CENPW: variants seen among roughly 807,000 people sequenced by gnomAD.
The protein encoded by CENPW is centromere protein W.
In CENPW, 3 loss-of-function variants were observed where a neutral mutation model predicts 11.1. The observed-to-expected ratio is 0.27, with a 90% CI of 0.12 to 0.70. The LOEUF (loss-of-function observed/expected upper bound fraction) is 0.70, where lower values mean the gene tolerates loss of function less well. Ranked by LOEUF, CENPW falls within the 30% of genes least tolerant of loss-of-function variation. The pLI is 0.77. For synonymous variants in CENPW, 38 were observed against 42.0 expected, an observed-to-expected ratio of 0.91 and a Z score of 0.37; for missense variants, 100 against 105.6, an observed-to-expected ratio of 0.95 and a Z score of 0.23.
At chr6:126,459,154 C>A in the CENPW span, among the ~76,000 whole-genome samples, 17 of 151,348 alleles carry the variant, frequency 1.1e-4, no homozygotes, top group South Asian at 2.5e-3. Context: ...TTCATTGATC[C>A]AATGCTAATG....
intron 1 of CENPW, among the ~76,000 whole-genome samples, chr6:126,342,713 A>G (rs1780337533): frequency 6.6e-6 from 1 of 151,972 alleles, no homozygotes; most frequent in South Asian, 2.1e-4. Flanking sequence ...ATTGTCACAC[A>G]TTTGCCTTTT....
chr6:126,402,401 A>G, the CENPW span, among the ~76,000 whole-genome samples: 3 of 151,718 alleles, frequency 2.0e-5, no homozygotes, highest in East Asian at 5.8e-4. Context: ...AATTCACATA[A>G]CATCCAATTT....
chr6:126,474,090 T>TAG, the CENPW span, among the ~76,000 whole-genome samples: 2 of 150,162 alleles, frequency 1.3e-5, no homozygotes, highest in Non-Finnish European at 3.0e-5. Flanking sequence ...CATATATATA[T>TAG]AGAGAGAGAT....
chr6:126,459,694 G>A, the CENPW span, among the ~76,000 whole-genome samples: 4 of 151,494 alleles, frequency 2.6e-5, no homozygotes, highest in Admixed American at 6.6e-5. Context: ...ATGTCTTGGT[G>A]TTTTCAAGAA....
At chr6:126,447,165 C>T in the CENPW span, among the ~76,000 whole-genome samples, 3 of 151,130 alleles carry the variant, frequency 2.0e-5, no homozygotes, top group Middle Eastern at 3.2e-3. Context: ...AGAGGCTTAG[C>T]TCCAGAGATT....
the CENPW span, among the ~76,000 whole-genome samples, chr6:126,374,667 T>A: frequency 6.6e-6 from 1 of 152,116 alleles, no homozygotes; most frequent in Non-Finnish European, 1.5e-5. Flanking sequence ...CTTACAGTAG[T>A]TATGGTGTGA....
chr6:126,370,294 A>G, the CENPW span, among the ~76,000 whole-genome samples: 3 of 151,764 alleles, frequency 2.0e-5, no homozygotes, highest in African/African-American at 7.3e-5. Context: ...TTTTTTTTCT[A>G]GTTCTGTGAA....
In CENPW at chr6:126,348,464, A is replaced by G; in HGVS notation, c.241-2A>G. Reference sequence around the variant, plus strand: ...TGAATCTTATTTTTTTCCCTCTTACAGGTAATTCTAAAGAAGAGCAGAGGT... The same window carrying G: ...TGAATCTTATTTTTTTCCCTCTTACGGGTAATTCTAAAGAAGAGCAGAGGT... On this transcript the variant is annotated splice_acceptor_variant, in intron 2 of 2. Transcript: ENST00000368328. LOFTEE classifies it high-confidence loss of function. The G allele has an allele frequency of 7.3e-7, 1 of 1,365,594 alleles. No individual in the cohort carries two copies. Among genetic ancestry groups the G allele is most frequent in the East Asian group, 2.3e-5 (1 of 43,306 alleles). 84.6% of individuals were successfully genotyped at this position (1,365,594 alleles called of 1,614,324 possible). A position where few individuals can be genotyped will look rare whatever the true frequency, so the allele number is the denominator to read the frequency against.
At chr6:126,369,964 T>A in the CENPW span, among the ~76,000 whole-genome samples, 2 of 152,316 alleles carry the variant, frequency 1.3e-5, no homozygotes, top group African/African-American at 4.8e-5. Flanking sequence ...ACGTGAGAGA[T>A]GAGGATCCAG....
chr6:126,386,536 T>C, the CENPW span, among the ~76,000 whole-genome samples: 1 of 152,082 alleles, frequency 6.6e-6, no homozygotes, highest in Non-Finnish European at 1.5e-5. Context: ...TTATGTACAC[T>C]GCGCCTTCTG....
the CENPW span, among the ~76,000 whole-genome samples, chr6:126,431,652 C>T: frequency 0.43 from 65,577 of 152,006 alleles, 16,478 homozygotes; most frequent in East Asian, 0.97. Context: ...CTGATTTTTC[C>T]TGAGCTCTTA....
the CENPW span, among the ~76,000 whole-genome samples, chr6:126,419,100 TA>T: frequency 2.0e-5 from 3 of 152,004 alleles, no homozygotes; most frequent in Admixed American, 2.0e-4. Flanking sequence ...ATATATATTT[TA>T]AAAAGATAAT....
At chr6:126,380,963 G>T in the CENPW span, among the ~76,000 whole-genome samples, 1 of 152,074 alleles carries the variant, frequency 6.6e-6, no homozygotes, top group Non-Finnish European at 1.5e-5. Context: ...TCCAGTTTTA[G>T]CAAAGAACCC....
At chr6:126,360,106 A>C in the CENPW span, among the ~76,000 whole-genome samples, 1 of 152,182 alleles carries the variant, frequency 6.6e-6, no homozygotes, top group Non-Finnish European at 1.5e-5. Flanking sequence ...GACATCTTAT[A>C]AGGCCGGTCT....
At chr6:126,361,303 C>CT in the CENPW span, among the ~76,000 whole-genome samples, 44 of 152,016 alleles carry the variant, frequency 2.9e-4, no homozygotes, top group African/African-American at 1.0e-3. Flanking sequence ...TTCTTTCTTT[C>CT]TTTTTTTCTT....
the CENPW span, among the ~76,000 whole-genome samples, chr6:126,408,181 A>G: frequency 6.6e-6 from 1 of 152,190 alleles, no homozygotes; most frequent in Non-Finnish European, 1.5e-5. Flanking sequence ...GGCTAGCCAT[A>G]TGCAGAAAAT....
At chr6:126,473,752 CAT>C in the CENPW span, among the ~76,000 whole-genome samples, 1 of 149,768 alleles carries the variant, frequency 6.7e-6, no homozygotes, top group African/African-American at 2.5e-5. Flanking sequence ...CTCTCTCTAG[CAT>C]ATATATATAG....
chr6:126,469,950 G>A, the CENPW span, among the ~76,000 whole-genome samples: 2 of 152,154 alleles, frequency 1.3e-5, no homozygotes, highest in Non-Finnish European at 2.9e-5. Flanking sequence ...TTTGAAATTG[G>A]AACTTATATT....
chr6:126,389,677 T>C, the CENPW span, among the ~76,000 whole-genome samples: 1 of 151,564 alleles, frequency 6.6e-6, no homozygotes, highest in Non-Finnish European at 1.5e-5. Context: ...TGTGTGTGTG[T>C]GCCTTCCTCA....
Sources: allele counts gnomAD v4.1 joint callset (sites outside exome capture counted in the v4.1 genomes callset), GRCh38; gene constraint gnomAD v4.1.1; transcripts MANE v1.5; gene names NCBI Gene and HGNC (gene_info 2026-07-23, HGNC 2026-07-21).